FRMD4A: variants seen among roughly 807,000 people sequenced by gnomAD.
FRMD4A encodes the protein FERM domain containing 4A.
Under a neutral mutation model 129.1 loss-of-function variants are expected in FRMD4A, and 29 were observed. The ratio of observed to expected loss-of-function variants is 0.22; its 90% CI spans 0.17 to 0.31. The LOEUF is 0.31. Among genes scored for constraint, FRMD4A ranks in the 10% least tolerant of loss-of-function variants. The pLI is 1.00. For missense variants in FRMD4A, 1,272 were observed against 1,375.8 expected, an observed-to-expected ratio of 0.92 and a Z score of 1.19; for synonymous variants, 634 against 571.6, an observed-to-expected ratio of 1.11 and a Z score of -1.56.
chr10:13,852,502 C>T (rs968381700), intron 3 of FRMD4A, among the ~76,000 whole-genome samples: 2 of 152,082 alleles, frequency 1.3e-5, no homozygotes, highest in Non-Finnish European at 1.5e-5. Flanking sequence ...GGATTACAGG[C>T]ATGAGCCACC....
chr10:13,701,388 A>G lies in FRMD4A; in HGVS notation c.927T>C (p.Ala309=). Residue 309 remains alanine, a synonymous_variant, in exon 14 of 25, where the codon GCT becomes GCC. Coordinates refer to ENST00000357447, the MANE Select transcript of FRMD4A (RefSeq NM_018027.5). ...AGAACTGGTGTTGGCTTATGGCCATAGCCCAGATGGACTTGATCAATGCCG... is the reference window on the plus strand; with the variant it reads ...AGAACTGGTGTTGGCTTATGGCCATGGCCCAGATGGACTTGATCAATGCCG... ...ACPALIKSIW[A]MAISQHQFYL... The G allele has an allele frequency of 6.2e-7, 1 of 1,614,034 alleles. No homozygotes were observed. Among genetic ancestry groups the G allele is most frequent in the Non-Finnish European group, 8.5e-7 (1 of 1,179,876 alleles).
rs79097915 is a variant in FRMD4A at position 13,904,329 on chromosome 10, G to A, written c.46-45417C>T. Among the ~76,000 whole-genome samples the A allele has an allele frequency of 2.5e-3, 374 of 152,102 alleles. 2 individuals carry two copies. Among genetic ancestry groups the A allele is most frequent in the African/African-American group, 8.4e-3 (349 of 41,490 alleles). ...GTACATCTGCGCGGAAAACCCTCCC[G>A]TCCTCCCTGACACCTGGTTGACTCC... is the stretch of plus-strand genomic sequence containing the variant. On this transcript the variant is annotated intron_variant, in intron 2 of 24. Coordinates refer to ENST00000357447, the MANE Select transcript of FRMD4A (RefSeq NM_018027.5).
At chr10:14,308,609 C>T (rs1354109183) in intron 2 of FRMD4A, among the ~76,000 whole-genome samples, 1 of 152,180 alleles carries the variant, frequency 6.6e-6, no homozygotes, top group East Asian at 1.9e-4. Context: ...CTTTTTATCT[C>T]TGAGTAGTTA....
intron 2 of FRMD4A, among the ~76,000 whole-genome samples, chr10:13,968,156 A>C (rs1049390947): frequency 1.3e-5 from 2 of 152,202 alleles, no homozygotes; most frequent in Non-Finnish European, 2.9e-5. Context: ...AAACCTTTAG[A>C]CCATCCCAAC....
intron 2 of FRMD4A, among the ~76,000 whole-genome samples, chr10:13,949,905 A>C (rs544209301): frequency 1.3e-5 from 2 of 152,366 alleles, no homozygotes; most frequent in African/African-American, 4.8e-5. Flanking sequence ...AGCAGCACTC[A>C]CATCTGTGGG....
At chr10:13,822,900 C>T (rs913661786) in intron 3 of FRMD4A, among the ~76,000 whole-genome samples, 1 of 152,162 alleles carries the variant, frequency 6.6e-6, no homozygotes, top group African/African-American at 2.4e-5. Context: ...TCTCTCTCTC[C>T]TTCCAAGTGA....
chr10:13,782,448 CTTT>C (rs66527369), intron 6 of FRMD4A, among the ~76,000 whole-genome samples: 2,442 of 136,018 alleles, frequency 0.018, 60 homozygotes, highest in African/African-American at 0.061. Flanking sequence ...ATTATTATTC[CTTT>C]TTTTTTTTTT....
At chr10:13,990,578 G>T (rs1389001336) in intron 2 of FRMD4A, among the ~76,000 whole-genome samples, 1 of 152,160 alleles carries the variant, frequency 6.6e-6, no homozygotes, top group African/African-American at 2.4e-5. Flanking sequence ...TGGAAGCAAA[G>T]CCTGCCCGGG....
intron 2 of FRMD4A, among the ~76,000 whole-genome samples, chr10:14,263,330 G>C (rs572665545): frequency 1.3e-5 from 2 of 152,210 alleles, no homozygotes; most frequent in African/African-American, 4.8e-5. Flanking sequence ...CAGCGCAGGA[G>C]GGGGAAGGGG....
chr10:13,778,989 A>C (rs1017278396), intron 6 of FRMD4A, among the ~76,000 whole-genome samples: 3 of 147,292 alleles, frequency 2.0e-5, no homozygotes, highest in Non-Finnish European at 3.0e-5. Context: ...AAAATTCAGG[A>C]CACTCTGGGC....
At chr10:14,124,859 AGTGT>A (rs978426499) in intron 2 of FRMD4A, among the ~76,000 whole-genome samples, 1 of 152,090 alleles carries the variant, frequency 6.6e-6, no homozygotes, top group Non-Finnish European at 1.5e-5. Flanking sequence ...GCATGTTTAG[AGTGT>A]GTGTAATTTT....
chr10:14,163,668 C>G (rs1238781103), intron 2 of FRMD4A, among the ~76,000 whole-genome samples: 1 of 152,188 alleles, frequency 6.6e-6, no homozygotes, highest in Admixed American at 6.5e-5. Context: ...CCAGAACGGC[C>G]AGGTTACCTT....
intron 2 of FRMD4A, among the ~76,000 whole-genome samples, chr10:13,889,552 G>C (rs1204640117): frequency 2.0e-5 from 3 of 152,172 alleles, no homozygotes; most frequent in African/African-American, 7.2e-5. Flanking sequence ...CAGGTTATCA[G>C]GGGACTTGAT....
chr10:14,307,701 T>C (rs1211150341), intron 2 of FRMD4A, among the ~76,000 whole-genome samples: 3 of 152,216 alleles, frequency 2.0e-5, no homozygotes, highest in African/African-American at 7.2e-5. Flanking sequence ...GGAGAAGAGA[T>C]TGGGATACCC....
chr10:13,784,831 A>G (rs913151478), intron 5 of FRMD4A, among the ~76,000 whole-genome samples: 2 of 152,078 alleles, frequency 1.3e-5, no homozygotes, highest in Non-Finnish European at 2.9e-5. Context: ...TCTCTACTAA[A>G]AATACAAAAA....
At chr10:14,043,742 C>A (rs1300274381) in intron 2 of FRMD4A, among the ~76,000 whole-genome samples, 1 of 152,234 alleles carries the variant, frequency 6.6e-6, no homozygotes, top group Non-Finnish European at 1.5e-5. Flanking sequence ...ATTGACTTCT[C>A]ATCAAACTAG....
At chr10:14,076,594 C>A (rs550295391) in intron 2 of FRMD4A, among the ~76,000 whole-genome samples, 1 of 151,906 alleles carries the variant, frequency 6.6e-6, no homozygotes, top group South Asian at 2.1e-4. Context: ...GAGCTGAGAT[C>A]ACGCCACTGC....
At position 13,814,580 on chromosome 10, in the gene FRMD4A, C is replaced by CAAAAAAAAA. The variant is rs553044764; in HGVS notation, c.112-3681_112-3673dup. The stretch of plus-strand genomic sequence containing the variant: ...TGGGCGATAGAGTGAGACCCTGTTT[C>CAAAAAAAAA]AAAAAAAAAAAAAAAAAAAAAAAAA... On this transcript the variant is annotated intron_variant, in intron 3 of 24. Coordinates refer to ENST00000357447, the MANE Select transcript of FRMD4A (RefSeq NM_018027.5). 1.9e-3 allele frequency among the ~76,000 whole-genome samples: 79 copies of CAAAAAAAAA among 41,392 alleles called. 1 individual carries two copies. Among genetic ancestry groups the CAAAAAAAAA allele is most frequent in the East Asian group, 3.9e-3 (5 of 1,282 alleles). 27.2% of individuals were successfully genotyped at this position (41,392 alleles called of 152,430 possible).
chr10:13,891,054 T>G (rs570161910), intron 2 of FRMD4A, among the ~76,000 whole-genome samples: 1 of 152,256 alleles, frequency 6.6e-6, no homozygotes, highest in Non-Finnish European at 1.5e-5. Context: ...GCCTCCAATA[T>G]AGAAGCACTG....
Sources: gnomAD v4.1 joint callset for allele counts (sites outside exome capture counted in the v4.1 genomes callset) on GRCh38, gnomAD v4.1.1 for gene constraint, MANE v1.5 for transcripts, NCBI Gene and HGNC (gene_info 2026-07-23, HGNC 2026-07-21) for gene names.